COLEC11: variants seen among roughly 807,000 people sequenced by gnomAD.
The protein encoded by COLEC11 is collectin subfamily member 11.
A neutral mutation model predicts 27.3 loss-of-function variants in COLEC11; 20 were observed. That is an observed-to-expected ratio of 0.73 (90% confidence interval 0.51 to 1.06). The LOEUF is 1.06. COLEC11 is among the 50% of genes least tolerant of loss of function. The probability of loss-of-function intolerance (pLI) is 0.00; values close to 1 mark genes in which losing one functional copy is unlikely to be tolerated. For missense variants in COLEC11, 310 were observed against 383.0 expected (o/e 0.81, Z 1.59); for synonymous variants, 163 against 154.7 (o/e 1.05, Z -0.40).
intron 3 of COLEC11, chr2:3,617,663 A>G (rs1409429610): frequency 2.9e-5 from 46 of 1,611,798 alleles, no homozygotes; most frequent in Non-Finnish European, 3.4e-5. Context: ...GATCTCAGCC[A>G]TATCGGGTTT....
Position 3,625,625 on chromosome 2 carries a change from C to CTTTTTTTTTTTTTTTTTTTT in COLEC11, c.203-11889_203-11888insTTTTTTTTTTTTTTTTTTTT, listed in dbSNP as rs60222284. On this transcript the variant is annotated intron_variant, in intron 3 of 6. Transcript: ENST00000349077. ...GGAAAGTTTCTTTTCTTCTTTTTTA[C>CTTTTTTTTTTTTTTTTTTTT]TTTTTTTTTTTTTTTTTTTGAGACA... Among the ~76,000 whole-genome samples the CTTTTTTTTTTTTTTTTTTTT allele has an allele frequency of 5.9e-4, 54 of 91,458 alleles. 3 individuals carry two copies. Among genetic ancestry groups the CTTTTTTTTTTTTTTTTTTTT allele is most frequent in the African/African-American group, 9.6e-4 (20 of 20,836 alleles). 60.0% of individuals were successfully genotyped at this position (91,458 alleles called of 152,430 possible). A position where few individuals can be genotyped will look rare whatever the true frequency, so the allele number is the denominator to read the frequency against.
In COLEC11 at chr2:3,613,318, G is replaced by C; in HGVS notation, c.138G>C (p.Ala46=). The change falls in exon 3 of 7, where the codon GCG becomes GCC. Residue 46 remains alanine, a synonymous_variant. Transcript: ENST00000349077. ...QILVPGLKGD[A]GEKGDKGAPG... is the part of the protein sequence containing the mutation. ...ATGTGACTTCTTCCACAGGGGATGC[G>C]GGAGAGAAGGGAGACAAAGGCGCCC... 6.2e-7 allele frequency: 1 copy of C among 1,609,990 alleles called. No homozygotes were observed. The highest frequency in any genetic ancestry group is 8.5e-7 in the Non-Finnish European group (1 of 1,178,332).
chr2:3,603,000 G>A lies in COLEC11; in HGVS notation c.-26-1315G>A, dbSNP rs1307466661. Among the ~76,000 whole-genome samples, 1 of 152,236 alleles carries A rather than the reference G, an allele frequency of 6.6e-6. No individual in the cohort carries two copies. The highest frequency in any genetic ancestry group is 2.4e-5 in the African/African-American group (1 of 41,460). On this transcript the variant is annotated intron_variant, in intron 1 of 6. Transcript: ENST00000349077. This position sits in a 1 kb window ranked among gnomAD's most constrained non-coding sequence, Gnocchi z 6.2. The stretch of plus-strand genomic sequence containing the variant: ...GTTCTTGCTCTACTCCTGGTGCCTA[G>A]AGCTGTGCCTGACATTTGGTCGGCA...
intron 3 of COLEC11, 71 bp from the exon 4 acceptor site, chr2:3,637,462 C>T: frequency 4.2e-6 from 5 of 1,182,210 alleles, no homozygotes; most frequent in Non-Finnish European, 6.4e-6. Context: ...GTTATCCGTG[C>T]ACGTGTGTGA....
intron 2 of COLEC11, among the ~76,000 whole-genome samples, chr2:3,607,448 G>GTTTTTT (rs1558490430): frequency 1.4e-4 from 9 of 65,216 alleles, no homozygotes; most frequent in Admixed American, 2.1e-4. Context: ...TTTTTTTTTT[G>GTTTTTT]CTTTTTTTTT....
chr2:3,617,856 T>C (rs1663891362), intron 3 of COLEC11: 1 of 587,818 alleles, frequency 1.7e-6, no homozygotes, highest in African/African-American at 1.9e-5. Flanking sequence ...CAATGCTTAA[T>C]CTCTTTTGAC....
intron 2 of COLEC11, chr2:3,605,663 C>A (rs986850734): frequency 2.1e-5 from 4 of 194,472 alleles, no homozygotes; most frequent in South Asian, 8.5e-5. Flanking sequence ...TCCTCATCCG[C>A]GGTCCGCTTG....
chr2:3,598,323 G>T (rs1255210481), intron 1 of COLEC11, among the ~76,000 whole-genome samples: 1 of 152,220 alleles, frequency 6.6e-6, no homozygotes, highest in Admixed American at 6.5e-5. Context: ...ATACTGTGTA[G>T]ACATTAGATA....
In COLEC11 at chr2:3,604,301, C is replaced by G; in HGVS notation, c.-26-14C>G. 6.2e-7 allele frequency: 1 copy of G among 1,614,004 alleles called. No homozygotes were observed. Among genetic ancestry groups the G allele is most frequent in the Non-Finnish European group, 8.5e-7 (1 of 1,179,884 alleles). ...TTGCAGTTCCCATCACTGTTTATTC[C>G]TTCCTCTGTGTAGGAGTTGGTGTCC... On this transcript the variant is annotated splice_polypyrimidine_tract_variant and intron_variant, in intron 1 of 6. Coordinates refer to ENST00000349077, the MANE Select transcript of COLEC11 (RefSeq NM_024027.5).
Position 3,631,007 on chromosome 2 carries a change from C to T in COLEC11, c.203-6526C>T, listed in dbSNP as rs547679998. ...CCATAATCTCAGCACTTTGGGAGGC[C>T]GAGGTGGGTGGTCAGGAGTTCGAGA... On this transcript the variant is annotated intron_variant, in intron 3 of 6. Transcript: ENST00000349077. 5.9e-5 allele frequency among the ~76,000 whole-genome samples: 9 copies of T among 152,156 alleles called. No homozygotes were observed. In the East Asian group the frequency reaches 1.5e-3, roughly 26 times the overall value.
At chr2:3,608,810 C>T (rs534391702) in intron 2 of COLEC11, among the ~76,000 whole-genome samples, 21 of 152,232 alleles carry the variant, frequency 1.4e-4, no homozygotes, top group Admixed American at 2.6e-4. Context: ...AGGGCAGCCC[C>T]GCCGTGGATG....
chr2:3,612,182 G>A (rs945682579), intron 2 of COLEC11, among the ~76,000 whole-genome samples: 1 of 151,904 alleles, frequency 6.6e-6, no homozygotes, highest in Non-Finnish European at 1.5e-5. Flanking sequence ...GCACACACGC[G>A]CACACATACA....
At chr2:3,623,018 A>G in intron 3 of COLEC11, among the ~76,000 whole-genome samples, 1 of 151,834 alleles carries the variant, frequency 6.6e-6, no homozygotes, top group East Asian at 1.9e-4. Flanking sequence ...TATCTGGGAG[A>G]CTCTTAATGT....
chr2:3,605,151 G>A, intron 2 of COLEC11: 1 of 463,476 alleles, frequency 2.2e-6, no homozygotes, highest in South Asian at 1.6e-5. Flanking sequence ...GGGGAGCCCG[G>A]TGTGAAATGA....
chr2:3,606,815 T>C (rs899529261), intron 2 of COLEC11, among the ~76,000 whole-genome samples: 1 of 152,182 alleles, frequency 6.6e-6, no homozygotes, highest in African/African-American at 2.4e-5. Flanking sequence ...GCAGACTTCA[T>C]CCCTGCCGGC....
At chr2:3,599,936 C>T (rs1233928605) in intron 1 of COLEC11, among the ~76,000 whole-genome samples, 1 of 152,164 alleles carries the variant, frequency 6.6e-6, no homozygotes, top group Non-Finnish European at 1.5e-5. Flanking sequence ...GCTGTGATAT[C>T]TTATAAAACT....
At chr2:3,614,249 T>C (rs1178727206) in intron 3 of COLEC11, among the ~76,000 whole-genome samples, 1 of 152,166 alleles carries the variant, frequency 6.6e-6, no homozygotes, top group Non-Finnish European at 1.5e-5. Flanking sequence ...AGATTGTCTC[T>C]AGAAATGCTT....
intron 3 of COLEC11, among the ~76,000 whole-genome samples, chr2:3,634,556 G>T (rs1169146328): frequency 6.6e-6 from 1 of 152,146 alleles, no homozygotes; most frequent in Admixed American, 6.5e-5. Flanking sequence ...TAATGGGTTG[G>T]CTAGTTGATT....
intron 2 of COLEC11, chr2:3,606,386 G>A (rs1198641868): frequency 2.7e-6 from 2 of 735,542 alleles, no homozygotes; most frequent in South Asian, 3.6e-5. Flanking sequence ...TCCCACATGG[G>A]TAGGGTCCCT....
Sources: allele counts gnomAD v4.1 joint callset (sites outside exome capture counted in the v4.1 genomes callset), GRCh38; gene constraint gnomAD v4.1.1; non-coding constraint Gnocchi (gnomAD v3.1); transcripts MANE v1.5; gene names NCBI Gene and HGNC (gene_info 2026-07-23, HGNC 2026-07-21).